The following KRT8 variants were observed in gnomAD, a reference collection of about 807,000 sequenced individuals.
KRT8 encodes the protein keratin 8.
Under a neutral mutation model 43.0 loss-of-function variants are expected in KRT8, and 24 were observed. The ratio of observed to expected loss-of-function variants is 0.56; its 90% CI spans 0.40 to 0.78. The LOEUF is 0.78. KRT8 is among the 30% of genes least tolerant of loss of function. The pLI is 0.00. For synonymous variants in KRT8, 214 were observed against 261.2 expected, an observed-to-expected ratio of 0.82 and a Z score of 1.74; for missense variants, 492 against 638.4, an observed-to-expected ratio of 0.77 and a Z score of 2.47.
At chr12:52,914,115 C>T (rs1274873234) in intron 2 of KRT8, among the ~76,000 whole-genome samples, 3 of 152,036 alleles carry the variant, frequency 2.0e-5, no homozygotes, top group South Asian at 2.1e-4. Flanking sequence ...CCCAGCTACT[C>T]GGGAGGCTGA....
intron 5 of KRT8, among the ~76,000 whole-genome samples, 185 bp downstream of exon 5, chr12:52,899,590 A>G (rs1347555478): frequency 6.6e-6 from 1 of 151,842 alleles, no homozygotes; most frequent in Non-Finnish European, 1.5e-5. Flanking sequence ...GGCCCAAGGG[A>G]CCTTCCCTGC....
chr12:52,940,771 G>A (rs1043253794), intron 2 of KRT8, among the ~76,000 whole-genome samples: 14 of 149,138 alleles, frequency 9.4e-5, no homozygotes, highest in Admixed American at 2.7e-4. Flanking sequence ...GACTACAGGC[G>A]CCCATCCCCA....
chr12:52,934,769 G>A (rs1341238581), intron 2 of KRT8, among the ~76,000 whole-genome samples: 3 of 151,976 alleles, frequency 2.0e-5, no homozygotes, highest in Non-Finnish European at 2.9e-5. Context: ...AGGAGTTCGA[G>A]ACCAGCCTGA....
chr12:52,916,381 G>A (rs950292168), intron 2 of KRT8, among the ~76,000 whole-genome samples: 4 of 152,180 alleles, frequency 2.6e-5, no homozygotes, highest in African/African-American at 7.2e-5. Context: ...CTGCATGGGC[G>A]TGAGTCCAAG....
At position 52,919,938 on chromosome 12, in the gene KRT8, G is replaced by A. The variant is rs528888115; in HGVS notation, c.-46-14911C>T. ...GCTGGGATTACAGGCGTGAGCCACC[G>A]CACCTATTATTTATAATCCTAAACT... On this transcript the variant is annotated intron_variant, in intron 2 of 6. Transcript: ENST00000546826. Among the ~76,000 whole-genome samples, 32 of 152,222 alleles carry A rather than the reference G, an allele frequency of 2.1e-4. 1 individual carries two copies. The South Asian group carries it at 5.4e-3, about 26-fold the overall frequency.
chr12:52,945,389 C>A (rs1380170138), intron 2 of KRT8, among the ~76,000 whole-genome samples: 3 of 152,220 alleles, frequency 2.0e-5, no homozygotes, highest in Non-Finnish European at 4.4e-5. Context: ...GGATGGGAAT[C>A]AGTCTCTCCC....
intron 2 of KRT8, chr12:52,926,293 T>G: frequency 1.2e-6 from 1 of 828,140 alleles, no homozygotes; most frequent in Non-Finnish European, 1.9e-6. Context: ...ATTCCTCATC[T>G]GGTGGCTGAG....
rs1457392476 is a variant in KRT8 at position 52,897,619 on chromosome 12, C to A, written c.1262-1G>T. The A allele has an allele frequency of 1.9e-6, 3 of 1,598,028 alleles. No homozygotes were observed. The highest frequency in any genetic ancestry group is 2.5e-6 in the Non-Finnish European group (3 of 1,179,950). ...CCCCCATAGGCCGAGCTCAGACCAC[C>A]TGGTGAGGGACAGAGGTAGCCACAT... On this transcript the variant is annotated splice_acceptor_variant, in intron 7 of 7. Coordinates refer to ENST00000692008, the Ensembl canonical transcript of KRT8. LOFTEE classifies it high-confidence loss of function.
chr12:52,907,326 G>A (rs1941542068), upstream of KRT8, among the ~76,000 whole-genome samples: 1 of 152,210 alleles, frequency 6.6e-6, no homozygotes, highest in Admixed American at 6.5e-5. Flanking sequence ...CTGGGACAGG[G>A]AAGGCGGAAG....
upstream of KRT8, among the ~76,000 whole-genome samples, chr12:52,906,360 G>A (rs1592167700): frequency 2.0e-5 from 3 of 152,174 alleles, no homozygotes; most frequent in South Asian, 2.1e-4. Flanking sequence ...GAGACAGGAC[G>A]GCAGGGGGTA....
chr12:52,941,619 G>A (rs1214711775), intron 2 of KRT8, among the ~76,000 whole-genome samples: 1 of 150,896 alleles, frequency 6.6e-6, no homozygotes, highest in Non-Finnish European at 1.5e-5. Context: ...CTCCCGAGTA[G>A]CTGGAATTAC....
upstream of KRT8, among the ~76,000 whole-genome samples, chr12:52,908,295 G>A (rs926724267): frequency 2.0e-5 from 3 of 151,872 alleles, no homozygotes; most frequent in Non-Finnish European, 1.5e-5. Context: ...GCGCAATCTC[G>A]GCTCACTGCA....
At chr12:52,939,186 G>A (rs115587904) in intron 2 of KRT8, among the ~76,000 whole-genome samples, 2,704 of 152,234 alleles carry the variant, frequency 0.018, 69 homozygotes, top group African/African-American at 0.059. Context: ...ATGCAAAATG[G>A]TACAGCTACT....
chr12:52,937,552 G>A (rs2120717726), intron 2 of KRT8, among the ~76,000 whole-genome samples: 1 of 151,514 alleles, frequency 6.6e-6, no homozygotes, highest in Admixed American at 6.6e-5. Context: ...GCCAGGCATG[G>A]TGGCATGTGA....
chr12:52,923,170 T>A (rs1353975172), intron 2 of KRT8, among the ~76,000 whole-genome samples: 1 of 152,216 alleles, frequency 6.6e-6, no homozygotes, highest in African/African-American at 2.4e-5. Context: ...CAAAGCGTTC[T>A]AAGGTTTATG....
At chr12:52,930,767 C>T (rs1180388278) in intron 2 of KRT8, among the ~76,000 whole-genome samples, 1 of 148,758 alleles carries the variant, frequency 6.7e-6, no homozygotes, top group Non-Finnish European at 1.5e-5. Context: ...TGCTCTGTTG[C>T]CAGGCTGGTC....
At chr12:52,908,006 T>G (rs967662027), upstream of KRT8, among the ~76,000 whole-genome samples, 3 of 152,176 alleles carry the variant, frequency 2.0e-5, no homozygotes, top group African/African-American at 7.2e-5. Context: ...CAGACAACTC[T>G]GCCTCAAACC....
In KRT8 at chr12:52,919,971, G is replaced by C. The variant is rs768613891; in HGVS notation, c.-46-14944C>G. ...TATTTATAATCCTAAACTAATCCAT[G>C]AGGAAGGTAACATTGTTCTCATTTT... On this transcript the variant is annotated intron_variant, in intron 2 of 6. Transcript: ENST00000546826. Among the ~76,000 whole-genome samples the C allele has an allele frequency of 3.3e-4, 50 of 152,266 alleles. 2 individuals are homozygous for C. The highest frequency in any genetic ancestry group is 2.1e-3 in the South Asian group (10 of 4,826).
chr12:52,929,636 T>C (rs572468223), intron 2 of KRT8, among the ~76,000 whole-genome samples: 1 of 152,308 alleles, frequency 6.6e-6, no homozygotes, highest in African/African-American at 2.4e-5. Flanking sequence ...TTAATCTTCT[T>C]GGTGGTTCAT....
Sources: allele counts gnomAD v4.1 joint callset (sites outside exome capture counted in the v4.1 genomes callset), GRCh38; gene constraint gnomAD v4.1.1; transcripts MANE v1.5; gene names NCBI Gene and HGNC (gene_info 2026-07-23, HGNC 2026-07-21).